MAST3: variants seen among roughly 807,000 people sequenced by gnomAD.
MAST3 encodes the protein microtubule associated serine/threonine kinase 3, also known as microtubule-associated serine/threonine-protein kinase 3.
A neutral mutation model predicts 127.0 loss-of-function variants in MAST3; 43 were observed. The ratio of observed to expected loss-of-function variants is 0.34; its 90% CI spans 0.27 to 0.44. MAST3 has a LOEUF of 0.44. MAST3 is among the 20% of genes least tolerant of loss of function. The pLI is 1.00. For missense variants in MAST3, 1,390 were observed against 1,919.1 expected, an observed-to-expected ratio of 0.72 and a Z score of 5.15; for synonymous variants, 785 against 809.2, an observed-to-expected ratio of 0.97 and a Z score of 0.51.
intron 15 of MAST3, among the ~76,000 whole-genome samples, chr19:18,133,255 T>C (rs1246036824): frequency 6.6e-6 from 1 of 152,174 alleles, no homozygotes; most frequent in African/African-American, 2.4e-5. Context: ...CACACTAACG[T>C]TGGGTTTCTA....
At position 18,110,331 on chromosome 19, in the gene MAST3, C is replaced by T. The variant is rs1284708032; in HGVS notation, c.72-321C>T. ...GCCTCTGCCTCGGCATGAAGTCCCGCAGGGACAAGCTGCACATCCCGGCGC... is the reference window on the plus strand; with the variant it reads ...GCCTCTGCCTCGGCATGAAGTCCCGTAGGGACAAGCTGCACATCCCGGCGC... On this transcript the variant is annotated intron_variant, in intron 2 of 27. Transcript: ENST00000687212. The surrounding 1 kb of genome is among the most constrained non-coding windows in gnomAD (Gnocchi z 4.3). The T allele has an allele frequency of 5.1e-6, 5 of 985,464 alleles. No individual in the cohort carries two copies. Among genetic ancestry groups the T allele is most frequent in the Non-Finnish European group, 2.4e-6 (2 of 830,032 alleles). 61.0% of individuals were successfully genotyped at this position (985,464 alleles called of 1,614,324 possible).
intron 13 of MAST3, among the ~76,000 whole-genome samples, chr19:18,130,271 A>T (rs1432077982): frequency 6.6e-6 from 1 of 152,206 alleles, no homozygotes; most frequent in African/African-American, 2.4e-5. Context: ...AGGCCAATAT[A>T]CAAGGGCCAT....
At chr19:18,109,989 T>C (rs1033342712) in intron 2 of MAST3, 3 of 985,316 alleles carry the variant, frequency 3.0e-6, no homozygotes, top group African/African-American at 1.7e-5. Context: ...CGCCCTTCCC[T>C]TCCGGGGCGC....
intron 21 of MAST3, 62 bp downstream of exon 21, chr19:18,142,077 C>T (rs551572599): frequency 2.2e-6 from 3 of 1,345,668 alleles, no homozygotes; most frequent in Admixed American, 6.2e-5. Context: ...GGTAGAGACA[C>T]AAAATCTGAT....
chr19:18,137,931 G>A (rs904186497), intron 19 of MAST3, among the ~76,000 whole-genome samples: 14 of 152,166 alleles, frequency 9.2e-5, no homozygotes, highest in African/African-American at 3.1e-4. Context: ...TTGGCCAGGC[G>A]CAGTGGCTCA....
At chr19:18,129,530 ATGG>A (rs2041028126) in intron 13 of MAST3, among the ~76,000 whole-genome samples, 1 of 152,158 alleles carries the variant, frequency 6.6e-6, no homozygotes, top group Non-Finnish European at 1.5e-5. Context: ...TGGCTCAGAG[ATGG>A]TGCAGTTTCA....
chr19:18,099,672 G>A (rs991328225), intron 1 of MAST3, among the ~76,000 whole-genome samples: 4 of 152,154 alleles, frequency 2.6e-5, no homozygotes, highest in Non-Finnish European at 4.4e-5. Context: ...CAGCACAGGC[G>A]TCCCTCCACG....
chr19:18,121,605 C>A, intron 3 of MAST3, 80 bp from the exon 4 acceptor site: 1 of 1,199,866 alleles, frequency 8.3e-7, no homozygotes, highest in Non-Finnish European at 1.2e-6. Flanking sequence ...GAACGGGCTG[C>A]GAGTGTGATT....
intron 11 of MAST3, among the ~76,000 whole-genome samples, chr19:18,126,949 T>G (rs1468242931): frequency 6.6e-6 from 1 of 151,682 alleles, no homozygotes; most frequent in Non-Finnish European, 1.5e-5. Context: ...CCCGGCTAAT[T>G]TTTTGTATTT....
Position 18,147,505 on chromosome 19 carries a change from T to A in MAST3, c.3389T>A (p.Phe1130Tyr), listed in dbSNP as rs572416064. ...TCCGTGCTGCACACCAGCCGCAGCT[T>A]CTCCTCCGGACTCCACCACTCACTG... ...QTSVLHTSRS[F>Y]SSGLHHSLSS... Residue 1130 changes from phenylalanine (F) to tyrosine (Y), a missense_variant, in exon 27 of 28, where the codon TTC becomes TAC. Transcript: ENST00000687212. 1 of 1,612,840 alleles carries A rather than the reference T, an allele frequency of 6.2e-7. No individual in the cohort carries two copies. The highest frequency in any genetic ancestry group is 1.3e-5 in the African/African-American group (1 of 74,926).
chr19:18,147,728 G>C, intron 27 of MAST3, 104 bp downstream of exon 27: 1 of 834,734 alleles, frequency 1.2e-6, no homozygotes, highest in Non-Finnish European at 1.8e-6. Flanking sequence ...ACACGATGTA[G>C]GGAAAAAGAT....
intron 10 of MAST3, 29 bp downstream of exon 10, chr19:18,124,395 G>A: frequency 6.4e-7 from 1 of 1,563,128 alleles, no homozygotes; most frequent in Non-Finnish European, 8.7e-7. Context: ...GGCCAGCTTG[G>A]GGTCCAGGCA....
Position 18,129,017 on chromosome 19 carries a change from A to T in MAST3, c.1223+66A>T. On this transcript the variant is annotated intron_variant, in intron 13 of 27. Transcript: ENST00000687212. ...CTGAGGGGATGGTTGAGGCCCAGGC[A>T]GCTCCTGCATCCCCCTCCTACCCCA... 2.9e-6 allele frequency: 4 copies of T among 1,393,928 alleles called. No homozygotes were observed. The South Asian group carries it at 4.6e-5, about 16-fold the overall frequency. The allele number at this position is 1,393,928 out of a possible 1,614,324, so 86.3% of individuals were successfully genotyped here. A position where few individuals can be genotyped will look rare whatever the true frequency, so the allele number is the denominator to read the frequency against.
rs1179551159 is a variant in MAST3, at chr19:18,149,991, T to C, written c.*265T>C. 4.2e-5 allele frequency: 15 copies of C among 353,236 alleles called. No homozygotes were observed. The highest frequency in any genetic ancestry group is 9.1e-5 in the African/African-American group (4 of 43,970). 21.9% of individuals were successfully genotyped at this position (353,236 alleles called of 1,614,324 possible). A position where few individuals can be genotyped will look rare whatever the true frequency, so the allele number is the denominator to read the frequency against. ...AATTTATTACTTTTTTTTTCTTTTT[T>C]TTTTTTTTTTTTTGAGACAGAGTCT... On this transcript the variant is annotated 3_prime_UTR_variant, in exon 28 of 28. Coordinates refer to ENST00000687212, the MANE Select transcript of MAST3 (RefSeq NM_001393504.1). This position sits in a 1 kb window ranked among gnomAD's most constrained non-coding sequence, Gnocchi z 5.9.
chr19:18,104,840 C>T (rs1330494058), intron 1 of MAST3, among the ~76,000 whole-genome samples: 1 of 152,130 alleles, frequency 6.6e-6, no homozygotes, highest in East Asian at 1.9e-4. Flanking sequence ...TTCCATGGTC[C>T]CTTGCTGAGC....
At chr19:18,102,778 C>T (rs2146810971) in intron 1 of MAST3, among the ~76,000 whole-genome samples, 1 of 152,200 alleles carries the variant, frequency 6.6e-6, no homozygotes, top group South Asian at 2.1e-4. Context: ...CCGCACCTGG[C>T]TCAAACTCTT....
chr19:18,122,943 C>T (rs1054976151), intron 6 of MAST3, among the ~76,000 whole-genome samples, 192 bp downstream of exon 6: 1 of 152,236 alleles, frequency 6.6e-6, no homozygotes, highest in South Asian at 2.1e-4. Context: ...CCAAAATAGT[C>T]CCTGGTTGGG....
rs752229141 is a variant in MAST3, at chr19:18,135,004, G to C, written c.1870+22G>C. On this transcript the variant is annotated intron_variant, in intron 17 of 27. Transcript: ENST00000687212. ...AGCGGTGCGTTTCCTCCACGGGCCT[G>C]GGTTTGAGCTGCAGCCCCACCAGAG... 94 of 1,570,410 alleles carry C rather than the reference G, an allele frequency of 6.0e-5. No individual in the cohort carries two copies. In the South Asian group the frequency reaches 1.1e-3, roughly 18 times the overall value.
intron 3 of MAST3, 144 bp from the exon 4 acceptor site, chr19:18,121,541 A>G: frequency 5.7e-6 from 4 of 697,234 alleles, no homozygotes; most frequent in Admixed American, 5.0e-5. Context: ...CCATGGGGGA[A>G]CCCAGCTGGG....
Sources: allele counts gnomAD v4.1 joint callset (sites outside exome capture counted in the v4.1 genomes callset), GRCh38; gene constraint gnomAD v4.1.1; non-coding constraint Gnocchi (gnomAD v3.1); transcripts MANE v1.5; gene names NCBI Gene and HGNC (gene_info 2026-07-23, HGNC 2026-07-21).